PHACTR1: variants seen among roughly 807,000 people sequenced by gnomAD.
PHACTR1 encodes RPEL repeat containing 1.
A neutral mutation model predicts 69.2 loss-of-function variants in PHACTR1; 16 were observed. The ratio of observed to expected loss-of-function variants is 0.23; its 90% CI spans 0.16 to 0.35. The LOEUF is 0.35. Ranked by LOEUF, PHACTR1 falls within the 10% of genes least tolerant of loss-of-function variation. PHACTR1 has a pLI of 1.00. For missense variants in PHACTR1, 510 were observed against 734.7 expected (o/e 0.69, Z 3.54); for synonymous variants, 312 against 284.5 (o/e 1.10, Z -0.97).
At chr6:12,820,147 G>A (rs1420114294) in intron 4 of PHACTR1, among the ~76,000 whole-genome samples, 1 of 152,104 alleles carries the variant, frequency 6.6e-6, no homozygotes, top group Non-Finnish European at 1.5e-5. Flanking sequence ...TAAATATTGA[G>A]TATTCACTCA....
intron 6 of PHACTR1, among the ~76,000 whole-genome samples, chr6:13,174,513 A>G (rs190443273): frequency 6.6e-6 from 1 of 152,224 alleles, no homozygotes; most frequent in Admixed American, 6.5e-5. Context: ...TCACTTACAT[A>G]ATGTTTCTTT....
intron 4 of PHACTR1, among the ~76,000 whole-genome samples, chr6:12,843,979 G>A (rs1398641455): frequency 1.3e-5 from 2 of 152,188 alleles, no homozygotes; most frequent in African/African-American, 4.8e-5. Context: ...ATCCTCACTT[G>A]CTACGTGACC....
intron 4 of PHACTR1, among the ~76,000 whole-genome samples, chr6:12,939,137 C>A (rs1380741381): frequency 6.6e-6 from 1 of 152,116 alleles, no homozygotes; most frequent in East Asian, 1.9e-4. Context: ...CATGCTGAAC[C>A]AGAACTGAGA....
At chr6:12,732,568 C>T (rs188434237) in intron 3 of PHACTR1, among the ~76,000 whole-genome samples, 3 of 152,152 alleles carry the variant, frequency 2.0e-5, no homozygotes, top group East Asian at 3.9e-4. Context: ...TGAGTAAGAA[C>T]GTACAGTGTT....
At chr6:13,169,593 G>A (rs1385406732) in intron 6 of PHACTR1, among the ~76,000 whole-genome samples, 1 of 152,280 alleles carries the variant, frequency 6.6e-6, no homozygotes, top group African/African-American at 2.4e-5. Flanking sequence ...CCAAAAATGT[G>A]TAGCATTATG....
intron 4 of PHACTR1, among the ~76,000 whole-genome samples, chr6:12,873,163 C>A (rs1324509629): frequency 2.0e-5 from 3 of 151,978 alleles, no homozygotes; most frequent in Non-Finnish European, 4.4e-5. Flanking sequence ...AGGTGCACAC[C>A]ACCACACCCA....
chr6:12,849,166 A>G (rs936616982), intron 4 of PHACTR1, among the ~76,000 whole-genome samples: 2 of 152,322 alleles, frequency 1.3e-5, no homozygotes, highest in East Asian at 1.9e-4. Flanking sequence ...CGTAAGAGCA[A>G]TGACAGAAGC....
intron 5 of PHACTR1, among the ~76,000 whole-genome samples, chr6:13,081,313 C>T (rs1269124055): frequency 6.6e-6 from 1 of 152,168 alleles, no homozygotes; most frequent in East Asian, 1.9e-4. Flanking sequence ...TCTGAGGCTC[C>T]TGACAACCCT....
At chr6:12,769,163 A>C (rs891347326) in intron 4 of PHACTR1, among the ~76,000 whole-genome samples, 1 of 152,212 alleles carries the variant, frequency 6.6e-6, no homozygotes, top group Admixed American at 6.5e-5. Context: ...GGGTGACTAT[A>C]GCAAATAACA....
intron 4 of PHACTR1, among the ~76,000 whole-genome samples, chr6:12,753,835 C>T (rs1766910432): frequency 6.6e-6 from 1 of 151,896 alleles, no homozygotes; most frequent in African/African-American, 2.4e-5. Flanking sequence ...TACCTCTCTT[C>T]CACCCTTATC....
intron 7 of PHACTR1, among the ~76,000 whole-genome samples, chr6:13,195,757 C>CAAAAAAA (rs869092852): frequency 0.019 from 786 of 41,434 alleles, 155 homozygotes; most frequent in Non-Finnish European, 0.033. Context: ...GACACCGTCT[C>CAAAAAAA]AAAAAAAAAA....
In PHACTR1 at chr6:12,927,491, G is replaced by T. The variant is rs1390789349; in HGVS notation, c.251-125874G>T. Among the ~76,000 whole-genome samples, 5 of 152,288 alleles carry T rather than the reference G, an allele frequency of 3.3e-5. No individual in the cohort carries two copies. In the South Asian group the frequency reaches 6.2e-4, roughly 19 times the overall value. On this transcript the variant is annotated intron_variant, in intron 4 of 14. Transcript: ENST00000332995. Reference sequence around the variant, plus strand: ...TAAGTGCTTTGCATGGATCATCTCAGTTGCCACATTAAGCCTATCAAGAAG... The same window carrying T: ...TAAGTGCTTTGCATGGATCATCTCATTTGCCACATTAAGCCTATCAAGAAG...
intron 10 of PHACTR1, among the ~76,000 whole-genome samples, chr6:13,252,472 C>G (rs1352588666): frequency 6.6e-6 from 1 of 151,970 alleles, no homozygotes; most frequent in East Asian, 1.9e-4. Flanking sequence ...AGATCCTTTC[C>G]TGGATAAATA....
chr6:12,814,831 G>C (rs1775406902), intron 4 of PHACTR1, among the ~76,000 whole-genome samples: 1 of 152,206 alleles, frequency 6.6e-6, no homozygotes, highest in African/African-American at 2.4e-5. Flanking sequence ...CTGAGTTGCT[G>C]GGGGAGGCTG....
chr6:12,993,487 C>A (rs1052924925), intron 4 of PHACTR1, among the ~76,000 whole-genome samples: 1 of 152,142 alleles, frequency 6.6e-6, no homozygotes, highest in African/African-American at 2.4e-5. Flanking sequence ...ACCTAAGACA[C>A]GGAGGGCTGG....
At chr6:13,156,426 A>G (rs529683095) in intron 5 of PHACTR1, among the ~76,000 whole-genome samples, 1 of 152,232 alleles carries the variant, frequency 6.6e-6, no homozygotes, top group Non-Finnish European at 1.5e-5. Flanking sequence ...TTACTTTTAA[A>G]GGAAACTTAG....
chr6:13,187,648 G>A (rs1184399935), intron 7 of PHACTR1, among the ~76,000 whole-genome samples: 1 of 152,226 alleles, frequency 6.6e-6, no homozygotes, highest in African/African-American at 2.4e-5. Context: ...AGCAGAAAGA[G>A]GAGCAGGTTG....
At chr6:12,999,460 C>T (rs555517108) in intron 4 of PHACTR1, among the ~76,000 whole-genome samples, 97 of 152,150 alleles carry the variant, frequency 6.4e-4, no homozygotes, top group African/African-American at 2.2e-3. Context: ...ATTAGCCGGG[C>T]GTGGTGGCAG....
At chr6:13,144,546 T>C (rs1583565242) in intron 5 of PHACTR1, among the ~76,000 whole-genome samples, 1 of 152,182 alleles carries the variant, frequency 6.6e-6, no homozygotes, top group Non-Finnish European at 1.5e-5. Flanking sequence ...CAAGATTCAG[T>C]GTAATTCTAA....
Sources: gnomAD v4.1 joint callset for allele counts (sites outside exome capture counted in the v4.1 genomes callset) on GRCh38, gnomAD v4.1.1 for gene constraint, MANE v1.5 for transcripts, NCBI Gene and HGNC (gene_info 2026-07-23, HGNC 2026-07-21) for gene names.